PARD3: variants seen among roughly 807,000 people sequenced by gnomAD.
PARD3 encodes partitioning defective 3 homolog.
In PARD3, 75 loss-of-function variants were observed where a neutral mutation model predicts 155.4. The observed-to-expected ratio is 0.48, with a 90% confidence interval of 0.40 to 0.58. PARD3 has a LOEUF of 0.58. PARD3 is among the 20% of genes least tolerant of loss of function. The pLI is 0.00. For missense variants in PARD3, 1,642 were observed against 1,721.7 expected, an observed-to-expected ratio of 0.95 and a Z score of 0.82; for synonymous variants, 576 against 610.5, an observed-to-expected ratio of 0.94 and a Z score of 0.83.
chr10:34,160,198 TATC>T (rs1198897676), intron 22 of PARD3, among the ~76,000 whole-genome samples: 1 of 152,238 alleles, frequency 6.6e-6, no homozygotes, highest in Non-Finnish European at 1.5e-5. Context: ...AAGGTTCAGT[TATC>T]ATTCGAATGC....
intron 4 of PARD3, among the ~76,000 whole-genome samples, chr10:34,456,580 G>T (rs916961874): frequency 6.6e-6 from 1 of 152,148 alleles, no homozygotes; most frequent in African/African-American, 2.4e-5. Flanking sequence ...TTACAGGCGT[G>T]AGCCACCGTG....
chr10:34,235,512 T>C (rs1015112076), intron 22 of PARD3, among the ~76,000 whole-genome samples: 1 of 152,246 alleles, frequency 6.6e-6, no homozygotes, highest in African/African-American at 2.4e-5. Context: ...TTATTTGCAA[T>C]TGGTGGCTAT....
chr10:34,328,606 T>C (rs908135541), intron 19 of PARD3, among the ~76,000 whole-genome samples: 1 of 152,308 alleles, frequency 6.6e-6, no homozygotes, highest in Non-Finnish European at 1.5e-5. Flanking sequence ...TCCAAACCCA[T>C]TGAGGTACTG....
intron 7 of PARD3, among the ~76,000 whole-genome samples, chr10:34,394,686 T>A (rs529397053): frequency 6.6e-6 from 1 of 152,336 alleles, no homozygotes; most frequent in African/African-American, 2.4e-5. Context: ...CAATTTTATA[T>A]GTTGCTTTTT....
intron 22 of PARD3, among the ~76,000 whole-genome samples, chr10:34,242,220 T>C (rs1290829582): frequency 1.3e-5 from 2 of 152,180 alleles, no homozygotes; most frequent in Non-Finnish European, 2.9e-5. Context: ...CATGCTTTCA[T>C]ATATATAATT....
intron 19 of PARD3, among the ~76,000 whole-genome samples, chr10:34,330,870 C>T (rs1012102332): frequency 7.2e-5 from 11 of 152,016 alleles, no homozygotes; most frequent in African/African-American, 2.7e-4. Context: ...CTCATATCTG[C>T]TTCTGCATTC....
At chr10:34,173,999 G>A (rs1949920898) in intron 22 of PARD3, among the ~76,000 whole-genome samples, 1 of 152,090 alleles carries the variant, frequency 6.6e-6, no homozygotes, top group Admixed American at 6.5e-5. Flanking sequence ...GCACCCCCAA[G>A]GCAAGATCTG....
intron 5 of PARD3, among the ~76,000 whole-genome samples, chr10:34,403,307 T>C (rs4113505): frequency 0.11 from 16,296 of 152,184 alleles, 1,780 homozygotes; most frequent in African/African-American, 0.28. Context: ...GGTGCACACA[T>C]TGGGAATTTA....
At chr10:34,726,694 T>C (rs923188589) in intron 1 of PARD3, among the ~76,000 whole-genome samples, 1 of 149,212 alleles carries the variant, frequency 6.7e-6, no homozygotes, top group Admixed American at 6.7e-5. Flanking sequence ...ACCTAGGAGG[T>C]GGAGGCTACA....
At chr10:34,700,584 T>A (rs554977155) in intron 1 of PARD3, among the ~76,000 whole-genome samples, 9 of 148,042 alleles carry the variant, frequency 6.1e-5, no homozygotes, top group African/African-American at 2.4e-4. Context: ...CTGAAAAAAA[T>A]CTATGTTGAT....
At chr10:34,365,554 C>T (rs1839879618) in intron 12 of PARD3, among the ~76,000 whole-genome samples, 1 of 152,066 alleles carries the variant, frequency 6.6e-6, no homozygotes, top group Non-Finnish European at 1.5e-5. Context: ...GGACATGATA[C>T]ATATTAGTTA....
intron 10 of PARD3, among the ~76,000 whole-genome samples, chr10:34,376,377 T>C (rs1841240275): frequency 6.6e-6 from 1 of 152,134 alleles, no homozygotes; most frequent in African/African-American, 2.4e-5. Flanking sequence ...AATAAAGCAA[T>C]TATCTTTAGA....
chr10:34,497,771 A>G (rs1041519280), intron 3 of PARD3, among the ~76,000 whole-genome samples: 1 of 152,190 alleles, frequency 6.6e-6, no homozygotes, highest in Non-Finnish European at 1.5e-5. Context: ...GCGGGTCAAG[A>G]TGTGGCCTCA....
At chr10:34,710,828 C>A (rs1398106397) in intron 1 of PARD3, among the ~76,000 whole-genome samples, 1 of 152,028 alleles carries the variant, frequency 6.6e-6, no homozygotes, top group African/African-American at 2.4e-5. Context: ...AAAGCTTTCA[C>A]CCCCAGAGTT....
chr10:34,538,509 C>T (rs1351131172), intron 2 of PARD3, among the ~76,000 whole-genome samples: 2 of 152,216 alleles, frequency 1.3e-5, no homozygotes, highest in Admixed American at 1.3e-4. Context: ...ACACAGAAGC[C>T]AAGATTTCAA....
intron 2 of PARD3, among the ~76,000 whole-genome samples, chr10:34,604,036 C>T (rs1006131979): frequency 4.6e-5 from 7 of 152,114 alleles, no homozygotes; most frequent in African/African-American, 1.7e-4. Context: ...CCTTAAAATC[C>T]TCTTAAGAAG....
At chr10:34,156,787 C>T (rs1239451897) in intron 22 of PARD3, among the ~76,000 whole-genome samples, 3 of 151,812 alleles carry the variant, frequency 2.0e-5, no homozygotes, top group Admixed American at 2.0e-4. Context: ...AAACGACTGC[C>T]CAGACACTTA....
intron 6 of PARD3, among the ~76,000 whole-genome samples, chr10:34,400,182 G>C (rs1459239411): frequency 6.6e-6 from 1 of 152,188 alleles, no homozygotes; most frequent in Non-Finnish European, 1.5e-5. Context: ...TTGCTGTGTT[G>C]CTCAGGCTGG....
chr10:34,345,124 A>C (rs1326237838), intron 15 of PARD3: 4 of 985,090 alleles, frequency 4.1e-6, no homozygotes, highest in Non-Finnish European at 4.8e-6. Context: ...AGAGAGGGCT[A>C]TTTTTAGAAA....
Sources: allele counts gnomAD v4.1 joint callset (sites outside exome capture counted in the v4.1 genomes callset), GRCh38; gene constraint gnomAD v4.1.1; transcripts MANE v1.5; gene names NCBI Gene and HGNC (gene_info 2026-07-23, HGNC 2026-07-21).